Variants in TLE1 observed in about 807,000 individuals in gnomAD.
TLE1 encodes TLE family member 1, transcriptional corepressor, also known as transducin-like enhancer protein 1.
In TLE1, 21 loss-of-function variants were observed where a neutral mutation model predicts 89.8. The observed-to-expected ratio is 0.23, with a 90% CI of 0.17 to 0.34. The LOEUF (loss-of-function observed/expected upper bound fraction) is 0.34, where lower values mean the gene tolerates loss of function less well. Among genes scored for constraint, TLE1 ranks in the 10% least tolerant of loss-of-function variants. The probability of loss-of-function intolerance (pLI) is 1.00; values close to 1 mark genes in which losing one functional copy is unlikely to be tolerated. For synonymous variants in TLE1, 447 were observed against 407.6 expected (o/e 1.10, Z -1.16); for missense variants, 795 against 1,031.2 (o/e 0.77, Z 3.14).
chr9:81,640,581 A>G (rs887031280), intron 6 of TLE1, among the ~76,000 whole-genome samples: 15 of 152,174 alleles, frequency 9.9e-5, no homozygotes, highest in African/African-American at 3.6e-4. Flanking sequence ...GACAAATAAA[A>G]CAAATGCCAA....
chr9:81,586,608 G>A (rs1330287595), intron 17 of TLE1, among the ~76,000 whole-genome samples: 1 of 152,198 alleles, frequency 6.6e-6, no homozygotes, highest in Admixed American at 6.5e-5. Context: ...ATGATATGCT[G>A]CTAGAGTTTA....
At chr9:81,586,375 T>C (rs1235867566) in intron 17 of TLE1, among the ~76,000 whole-genome samples, 1 of 152,068 alleles carries the variant, frequency 6.6e-6, no homozygotes, top group Non-Finnish European at 1.5e-5. Context: ...ACCTAGAGAG[T>C]GGAGCCTATC....
At chr9:81,610,087 A>G (rs1823499627) in intron 14 of TLE1, 133 bp downstream of exon 14, 2 of 733,028 alleles carry the variant, frequency 2.7e-6, no homozygotes, top group Non-Finnish European at 4.6e-6. Context: ...AAGTGTTAAC[A>G]CTCCTCAGGA....
chr9:81,656,700 G>C (rs1317592852), intron 4 of TLE1, among the ~76,000 whole-genome samples: 1 of 152,094 alleles, frequency 6.6e-6, no homozygotes, highest in Non-Finnish European at 1.5e-5. Flanking sequence ...ATGTGTCAGG[G>C]ACACCATCCC....
Position 81,620,575 on chromosome 9 carries a change from TAATC to T in TLE1, c.595-22_595-19del. On this transcript the variant is annotated intron_variant, in intron 8 of 19. Coordinates refer to ENST00000376499, the MANE Select transcript of TLE1 (RefSeq NM_005077.5). ...GAATTACTCTGCAAGACAAAAAAAT[TAATC>T]AAAGATTTCTTCCCAAGCCTCTTTG... is the stretch of plus-strand genomic sequence containing the variant. 6.3e-7 allele frequency: 1 copy of T among 1,599,044 alleles called. No homozygotes were observed. The highest frequency in any genetic ancestry group is 2.2e-5 in the East Asian group (1 of 44,798).
At chr9:81,613,739 T>C (rs1217174158) in intron 11 of TLE1, among the ~76,000 whole-genome samples, 1 of 152,064 alleles carries the variant, frequency 6.6e-6, no homozygotes, top group Non-Finnish European at 1.5e-5. Context: ...ACACAGAACA[T>C]GATCACACTT....
chr9:81,686,653 A>C (rs1427792591), intron 2 of TLE1, among the ~76,000 whole-genome samples: 52 of 152,226 alleles, frequency 3.4e-4, no homozygotes, highest in Admixed American at 3.3e-3. Flanking sequence ...AAGGGAAAGA[A>C]ACTAACCTTT....
At chr9:81,595,957 T>C (rs1347851340) in intron 14 of TLE1, among the ~76,000 whole-genome samples, 1 of 152,104 alleles carries the variant, frequency 6.6e-6, no homozygotes, top group Non-Finnish European at 1.5e-5. Flanking sequence ...GATTAGTTTT[T>C]CTCTGTGTAC....
At chr9:81,672,765 A>C (rs1832390804) in intron 4 of TLE1, among the ~76,000 whole-genome samples, 1 of 152,144 alleles carries the variant, frequency 6.6e-6, no homozygotes. Flanking sequence ...GTTACATTCG[A>C]AAGAAAAACT....
At chr9:81,621,461 G>A (rs959170086) in intron 8 of TLE1, among the ~76,000 whole-genome samples, 1 of 152,172 alleles carries the variant, frequency 6.6e-6, no homozygotes, top group Non-Finnish European at 1.5e-5. Context: ...AATGTTGAAT[G>A]AGCTGTGCAA....
intron 4 of TLE1, among the ~76,000 whole-genome samples, chr9:81,662,361 T>TTGTGTGTGTGTGTGTGTGTG (rs371936084): frequency 5.2e-4 from 72 of 138,466 alleles, no homozygotes; most frequent in African/African-American, 7.2e-4. Context: ...TGTGCCTGTT[T>TTGTGTGTGTGTGTGTGTGTG]TGTGTGTGTG....
At chr9:81,683,935 A>T (rs139904497) in intron 4 of TLE1, among the ~76,000 whole-genome samples, 175 of 152,162 alleles carry the variant, frequency 1.2e-3, no homozygotes, top group African/African-American at 4.1e-3. Context: ...CCGCCACATA[A>T]CCTACAGGAA....
At chr9:81,684,844 T>C (rs1834064252) in intron 4 of TLE1, among the ~76,000 whole-genome samples, 1 of 152,248 alleles carries the variant, frequency 6.6e-6, no homozygotes, top group Non-Finnish European at 1.5e-5. Flanking sequence ...CTGCCATTAA[T>C]GCTTTCTTTG....
intron 14 of TLE1, among the ~76,000 whole-genome samples, chr9:81,596,375 C>T (rs1285040816): frequency 6.6e-6 from 1 of 152,024 alleles, no homozygotes; most frequent in Non-Finnish European, 1.5e-5. Flanking sequence ...GCTGGAGAGC[C>T]AAATCAAATG....
intron 8 of TLE1, among the ~76,000 whole-genome samples, chr9:81,631,905 C>T (rs1826665862): frequency 6.6e-6 from 1 of 152,118 alleles, no homozygotes; most frequent in Non-Finnish European, 1.5e-5. Context: ...GAGTTCCAGA[C>T]CAGCCTGACC....
chr9:81,655,495 T>A (rs1421702168), intron 4 of TLE1, among the ~76,000 whole-genome samples: 1 of 151,732 alleles, frequency 6.6e-6, no homozygotes, highest in Non-Finnish European at 1.5e-5. Flanking sequence ...CAGGGAAGGG[T>A]CCACCTGCAG....
At chr9:81,596,485 A>G (rs1297823608) in intron 14 of TLE1, among the ~76,000 whole-genome samples, 1 of 152,168 alleles carries the variant, frequency 6.6e-6, no homozygotes, top group Non-Finnish European at 1.5e-5. Context: ...ATAATAACAG[A>G]GCTTTTTCAA....
intron 6 of TLE1, among the ~76,000 whole-genome samples, chr9:81,639,479 C>A (rs377232053): frequency 6.6e-6 from 1 of 151,394 alleles, no homozygotes; most frequent in East Asian, 1.9e-4. Flanking sequence ...CATTAGTTTA[C>A]AGTAATTAGG....
At chr9:81,597,614 A>T (rs537564554) in intron 14 of TLE1, among the ~76,000 whole-genome samples, 69 of 152,276 alleles carry the variant, frequency 4.5e-4, no homozygotes, top group African/African-American at 1.6e-3. Flanking sequence ...AAAGCCTCAG[A>T]ACTGAGACCC....
Sources: allele counts gnomAD v4.1 joint callset (sites outside exome capture counted in the v4.1 genomes callset), GRCh38; gene constraint gnomAD v4.1.1; transcripts MANE v1.5; gene names NCBI Gene and HGNC (gene_info 2026-07-23, HGNC 2026-07-21).